The following RYK variants were observed in gnomAD, a reference collection of about 807,000 sequenced individuals.
The protein encoded by RYK is inactive tyrosine-protein kinase RYK.
Under a neutral mutation model 70.2 loss-of-function variants are expected in RYK, and 21 were observed. The ratio of observed to expected loss-of-function variants is 0.30; its 90% CI spans 0.21 to 0.43. The LOEUF (loss-of-function observed/expected upper bound fraction) is 0.43, where lower values mean the gene tolerates loss of function less well. RYK is among the 20% of genes least tolerant of loss of function. The pLI is 1.00. For synonymous variants in RYK, 267 were observed against 278.0 expected (o/e 0.96, Z 0.39); for missense variants, 604 against 753.3 (o/e 0.80, Z 2.32).
chr3:134,167,005 ATATT>A (rs1455803619), intron 13 of RYK, among the ~76,000 whole-genome samples: 1 of 152,160 alleles, frequency 6.6e-6, no homozygotes, highest in African/African-American at 2.4e-5. Flanking sequence ...CCTGTCTTTA[ATATT>A]TATTTCTCTT....
At chr3:134,230,499 A>ATGCT in intron 1 of RYK, among the ~76,000 whole-genome samples, 1 of 152,262 alleles carries the variant, frequency 6.6e-6, no homozygotes, top group African/African-American at 2.4e-5. Flanking sequence ...TCAGCAATGA[A>ATGCT]AATAAGAGAC....
At chr3:134,213,007 A>G (rs35241315) in intron 2 of RYK, among the ~76,000 whole-genome samples, 14,946 of 152,252 alleles carry the variant, frequency 0.098, 937 homozygotes, top group East Asian at 0.35. Context: ...TTCTTGCTGC[A>G]GCACATCAGT....
chr3:134,175,258 G>A (rs6439464), intron 13 of RYK, among the ~76,000 whole-genome samples: 46,532 of 151,748 alleles, frequency 0.31, 8,567 homozygotes, highest in Middle Eastern at 0.47. Flanking sequence ...CCTGAGAATC[G>A]CTTGAACCTG....
intron 9 of RYK, among the ~76,000 whole-genome samples, chr3:134,185,139 T>A (rs7637052): frequency 0.98 from 148,305 of 151,902 alleles, 72,487 homozygotes; most frequent in Non-Finnish European, 1. Flanking sequence ...ATCTATAAAT[T>A]AATTAATTAA....
intron 1 of RYK, among the ~76,000 whole-genome samples, chr3:134,246,300 A>AC (rs2015462777): frequency 1.3e-4 from 11 of 83,538 alleles, no homozygotes; most frequent in African/African-American, 3.4e-4. Flanking sequence ...TCTCAGAAAG[A>AC]AATACACACA....
At chr3:134,193,345 A>G (rs557964206) in intron 7 of RYK, among the ~76,000 whole-genome samples, 103 of 152,050 alleles carry the variant, frequency 6.8e-4, no homozygotes, top group Middle Eastern at 3.4e-3. Context: ...CACCACACCC[A>G]GCTAATTTTT....
chr3:134,185,046 ATTGC>A (rs1249535911), intron 9 of RYK, among the ~76,000 whole-genome samples: 1 of 146,936 alleles, frequency 6.8e-6, no homozygotes, highest in Non-Finnish European at 1.5e-5. Context: ...GAGGTGGGGG[ATTGC>A]TTGAGCCCAG....
At chr3:134,230,128 T>A (rs1215841452) in intron 1 of RYK, among the ~76,000 whole-genome samples, 10 of 152,078 alleles carry the variant, frequency 6.6e-5, no homozygotes, top group Admixed American at 4.6e-4. Context: ...TGAGACAGAG[T>A]CTCACTATGT....
chr3:134,199,564 C>T (rs1576517138), intron 6 of RYK, among the ~76,000 whole-genome samples: 1 of 152,144 alleles, frequency 6.6e-6, no homozygotes, highest in African/African-American at 2.4e-5. Context: ...TATAAAGTAC[C>T]TGGGGTACAG....
At chr3:134,213,124 G>A (rs1219755373) in intron 2 of RYK, among the ~76,000 whole-genome samples, 2 of 152,094 alleles carry the variant, frequency 1.3e-5, no homozygotes, top group Non-Finnish European at 2.9e-5. Context: ...GCAAGTTTGG[G>A]CAGGGAATGA....
chr3:134,229,989 T>G (rs1446352227), intron 1 of RYK, among the ~76,000 whole-genome samples: 1 of 152,192 alleles, frequency 6.6e-6, no homozygotes, highest in Non-Finnish European at 1.5e-5. Context: ...CTTATAAAGT[T>G]AAACATACAC....
At chr3:134,229,089 A>G (rs2014985960) in intron 1 of RYK, among the ~76,000 whole-genome samples, 2 of 152,186 alleles carry the variant, frequency 1.3e-5, no homozygotes, top group Non-Finnish European at 1.5e-5. Context: ...CCTATCTTAC[A>G]TATCAAACAA....
chr3:134,211,979 T>C (rs536695088), intron 2 of RYK, among the ~76,000 whole-genome samples: 5 of 152,318 alleles, frequency 3.3e-5, no homozygotes, highest in African/African-American at 1.2e-4. Context: ...ACCAATGCCT[T>C]CTCTGGTTGA....
intron 11 of RYK, 86 bp downstream of exon 11, chr3:134,177,855 T>C: frequency 1.7e-6 from 2 of 1,186,672 alleles, no homozygotes. Context: ...CTAAACAGTT[T>C]ATATTTAAGA....
At chr3:134,182,793 T>TGA (rs1320663300) in intron 10 of RYK, among the ~76,000 whole-genome samples, 1 of 152,240 alleles carries the variant, frequency 6.6e-6, no homozygotes. Flanking sequence ...GATGTGGGCT[T>TGA]ACATACTATT....
chr3:134,162,979 T>C (rs562007935), intron 13 of RYK, among the ~76,000 whole-genome samples: 2 of 152,346 alleles, frequency 1.3e-5, no homozygotes, highest in African/African-American at 4.8e-5. Context: ...CTTCTGACTT[T>C]AAGGGACTTT....
intron 13 of RYK, among the ~76,000 whole-genome samples, chr3:134,163,407 GT>G (rs1576499802): frequency 2.0e-5 from 3 of 152,154 alleles, no homozygotes; most frequent in Admixed American, 2.0e-4. Context: ...AGGTCATGCT[GT>G]TCTTTCCAGA....
chr3:134,176,265 T>G (rs1161548682), intron 11 of RYK, among the ~76,000 whole-genome samples: 2 of 152,240 alleles, frequency 1.3e-5, no homozygotes, highest in African/African-American at 4.8e-5. Flanking sequence ...CTCTGTCTCC[T>G]TTCATCTGTT....
intron 6 of RYK, among the ~76,000 whole-genome samples, chr3:134,200,756 A>T (rs2013986330): frequency 6.6e-6 from 1 of 152,232 alleles, no homozygotes; most frequent in Non-Finnish European, 1.5e-5. Flanking sequence ...ACTAGTAAAC[A>T]GAATAGCCAG....
Sources: allele counts gnomAD v4.1 joint callset (sites outside exome capture counted in the v4.1 genomes callset), GRCh38; gene constraint gnomAD v4.1.1; transcripts MANE v1.5; gene names NCBI Gene and HGNC (gene_info 2026-07-23, HGNC 2026-07-21).